WDR27: variants seen among roughly 807,000 people sequenced by gnomAD.
WDR27 encodes the protein WD repeat domain 27.
In WDR27, 100 loss-of-function variants were observed where a neutral mutation model predicts 114.4. The ratio of observed to expected loss-of-function variants is 0.87; its 90% CI spans 0.74 to 1.03. WDR27 has a LOEUF of 1.03. WDR27 is among the 50% of genes least tolerant of loss of function. WDR27 has a pLI of 0.00. For synonymous variants in WDR27, 449 were observed against 423.1 expected (o/e 1.06, Z -0.75); for missense variants, 1,129 against 1,092.9 (o/e 1.03, Z -0.47).
intron 25 of WDR27, among the ~76,000 whole-genome samples, chr6:169,482,271 G>C (rs1199201455): frequency 1.3e-5 from 2 of 152,284 alleles, no homozygotes; most frequent in Non-Finnish European, 2.9e-5. Context: ...ATGTGCATGA[G>C]TCTCTATAAT....
At chr6:169,570,716 C>A (rs1220186211) in intron 25 of WDR27, among the ~76,000 whole-genome samples, 2 of 152,186 alleles carry the variant, frequency 1.3e-5, no homozygotes, top group African/African-American at 4.8e-5. Context: ...GTAATCCCAA[C>A]TACTCGGGAG....
the WDR27 span, among the ~76,000 whole-genome samples, chr6:169,438,652 C>T: frequency 1.3e-5 from 2 of 152,178 alleles, no homozygotes; most frequent in Non-Finnish European, 2.9e-5. Context: ...CATACTCTCG[C>T]AGTATCTAAT....
intron 21 of WDR27, among the ~76,000 whole-genome samples, chr6:169,616,903 C>A (rs988218378): frequency 2.6e-5 from 4 of 152,050 alleles, no homozygotes; most frequent in Admixed American, 6.6e-5. Flanking sequence ...TGAAAAACAT[C>A]ATAATAAACA....
chr6:169,664,506 C>A, intron 7 of WDR27: 1 of 1,401,146 alleles, frequency 7.1e-7, no homozygotes, highest in Non-Finnish European at 9.3e-7. Context: ...GCTGGCACAT[C>A]AGCTCAGGGC....
intron 20 of WDR27, 131 bp downstream of exon 20, chr6:169,634,297 C>T (rs1817138441): frequency 1.6e-6 from 1 of 611,034 alleles, no homozygotes; most frequent in African/African-American, 1.9e-5. Context: ...TGGCGAGCTC[C>T]ATGAGAAGGG....
At position 169,686,909 on chromosome 6, in the gene WDR27, G is replaced by A. The variant is rs530199734; in HGVS notation, c.189+1908C>T. On this transcript the variant is annotated intron_variant, in intron 2 of 25. Coordinates refer to ENST00000448612, the MANE Select transcript of WDR27 (RefSeq NM_182552.5). The stretch of plus-strand genomic sequence containing the variant: ...AGGCACAGAAAGACAAATATCACAT[G>A]TTCTTACTCATATGTGGAAACTTAA... Among the ~76,000 whole-genome samples, 32 of 152,282 alleles carry A rather than the reference G, an allele frequency of 2.1e-4. No homozygotes were observed. The East Asian group carries it at 5.0e-3, about 24-fold the overall frequency.
downstream of WDR27, among the ~76,000 whole-genome samples, chr6:169,454,363 T>G (rs569333572): frequency 3.6e-4 from 55 of 152,326 alleles, no homozygotes; most frequent in African/African-American, 1.3e-3. Flanking sequence ...TGCTGCCACC[T>G]GGTTCCTCCA....
chr6:169,461,096 A>T (rs1488746055), intron 25 of WDR27, among the ~76,000 whole-genome samples: 1 of 152,334 alleles, frequency 6.6e-6, no homozygotes, highest in Non-Finnish European at 1.5e-5. Flanking sequence ...ACATTTACAT[A>T]CCTAATAACA....
At chr6:169,605,744 A>T (rs190197162) in intron 22 of WDR27, among the ~76,000 whole-genome samples, 5 of 152,310 alleles carry the variant, frequency 3.3e-5, no homozygotes, top group Admixed American at 3.3e-4. Context: ...ACAACATGGT[A>T]CTGGTATAAA....
At chr6:169,533,550 GTCAT>G (rs1363083210) in intron 25 of WDR27, among the ~76,000 whole-genome samples, 2 of 152,108 alleles carry the variant, frequency 1.3e-5, no homozygotes, top group Non-Finnish European at 2.9e-5. Flanking sequence ...CCTTTAATGG[GTCAT>G]CTATTCCCTG....
intron 25 of WDR27, among the ~76,000 whole-genome samples, chr6:169,472,331 T>C (rs971356222): frequency 1.3e-5 from 2 of 152,204 alleles, no homozygotes; most frequent in African/African-American, 2.4e-5. Flanking sequence ...CAGAGAAGCA[T>C]CTAAGACCTT....
chr6:169,544,437 T>TTTTTG (rs1797206277), intron 25 of WDR27, among the ~76,000 whole-genome samples: 1 of 151,742 alleles, frequency 6.6e-6, no homozygotes, highest in East Asian at 1.9e-4. Flanking sequence ...TTTTTTTTTT[T>TTTTTG]TTTGTTTGTT....
At chr6:169,575,602 ACT>A (rs1467958491) in intron 24 of WDR27, among the ~76,000 whole-genome samples, 1 of 151,936 alleles carries the variant, frequency 6.6e-6, no homozygotes, top group Non-Finnish European at 1.5e-5. Flanking sequence ...CTAACATCCT[ACT>A]CTCCTCAATA....
the WDR27 span, among the ~76,000 whole-genome samples, chr6:169,431,724 G>A: frequency 1.3e-5 from 2 of 152,294 alleles, no homozygotes; most frequent in Non-Finnish European, 1.5e-5. Flanking sequence ...AATATGGACT[G>A]TCAAAGTTTA....
In WDR27 at chr6:169,653,727, GA is replaced by G. The variant is rs563611066; in HGVS notation, c.1403-1720del. On this transcript the variant is annotated intron_variant, in intron 13 of 25. Coordinates refer to ENST00000448612, the MANE Select transcript of WDR27 (RefSeq NM_182552.5). ...ATATGTGCTTCATTTTGTAAAAAGG[GA>G]AAAGAAAATGAGGACAAGATATTGA... Among the ~76,000 whole-genome samples the G allele has an allele frequency of 5.9e-5, 9 of 152,328 alleles. No individual in the cohort carries two copies. In the South Asian group the frequency reaches 1.9e-3, roughly 32 times the overall value.
At chr6:169,605,126 T>TAAAAA (rs1562675972) in intron 22 of WDR27, among the ~76,000 whole-genome samples, 1 of 74,444 alleles carries the variant, frequency 1.3e-5, no homozygotes, top group Non-Finnish European at 2.1e-5. Flanking sequence ...AAAAAAAAAG[T>TAAAAA]TTTTTTTTTT....
At chr6:169,596,488 T>C (rs929239139) in intron 23 of WDR27, among the ~76,000 whole-genome samples, 26 of 152,192 alleles carry the variant, frequency 1.7e-4, no homozygotes, top group African/African-American at 5.5e-4. Flanking sequence ...TGATGTTTTA[T>C]GTGTTTTCTT....
chr6:169,612,711 A>AT (rs1490704021), intron 22 of WDR27, among the ~76,000 whole-genome samples: 3 of 151,362 alleles, frequency 2.0e-5, no homozygotes, highest in Admixed American at 1.3e-4. Flanking sequence ...TTTATAGTTA[A>AT]TTTTTTTTAT....
chr6:169,605,108 C>CAAAAAAAAAAA (rs59884264), intron 22 of WDR27, among the ~76,000 whole-genome samples: 21 of 76,198 alleles, frequency 2.8e-4, no homozygotes, highest in African/African-American at 4.7e-4. Context: ...AGCAATTAGG[C>CAAAAAAAAAAA]AAAAAAAAAA....
Sources: allele counts gnomAD v4.1 joint callset (sites outside exome capture counted in the v4.1 genomes callset), GRCh38; gene constraint gnomAD v4.1.1; transcripts MANE v1.5; gene names NCBI Gene and HGNC (gene_info 2026-07-23, HGNC 2026-07-21).